RANBP2: variants seen among roughly 807,000 people sequenced by gnomAD.
The protein encoded by RANBP2 is RAN binding protein 2, also known as E3 SUMO-protein ligase RanBP2.
In RANBP2, 57 loss-of-function variants were observed where a neutral mutation model predicts 303.6. The ratio of observed to expected loss-of-function variants is 0.19; its 90% CI spans 0.15 to 0.23. The LOEUF (loss-of-function observed/expected upper bound fraction) is 0.23, where lower values mean the gene tolerates loss of function less well. RANBP2 is among the 10% of genes least tolerant of loss of function. RANBP2 has a pLI of 1.00. For missense variants in RANBP2, 3,138 were observed against 3,780.8 expected (o/e 0.83, Z 4.46); for synonymous variants, 1,167 against 1,301.5 (o/e 0.90, Z 2.23).
the RANBP2 span, among the ~76,000 whole-genome samples, chr2:109,309,612 AC>A: frequency 7.8e-6 from 1 of 128,174 alleles, no homozygotes; most frequent in Non-Finnish European, 1.6e-5. Flanking sequence ...AACCCATCTC[AC>A]GTGCAGAGAC....
rs752981422 is a variant in RANBP2, at chr2:108,751,601, A to G, written c.1529A>G (p.Tyr510Cys). Residue 510 changes from tyrosine (Y) to cysteine (C), a missense_variant, in exon 11 of 29, where the codon TAT (tyrosine) becomes TGT (cysteine). Tyr to Cys is a radical substitution (Grantham distance 194). This residue lies in a region of RANBP2 where 162 missense variants were observed against 286.9 expected (regional missense o/e 0.56). Coordinates refer to ENST00000283195, the MANE Select transcript of RANBP2 (RefSeq NM_006267.5). Reference protein sequence around the residue: ...KEKCNSHHSSYQPLCLPLPVC... With the variant: ...KEKCNSHHSSCQPLCLPLPVC... Reference sequence around the variant, plus strand: ...AAATGTAATTCTCACCACAGCTCCTATCAGCCGTTATGCCTGCCCCTTCCT... The same window carrying G: ...AAATGTAATTCTCACCACAGCTCCTGTCAGCCGTTATGCCTGCCCCTTCCT... The G allele has an allele frequency of 3.1e-6, 5 of 1,611,112 alleles. No individual in the cohort carries two copies. The highest frequency in any genetic ancestry group is 1.1e-5 in the South Asian group (1 of 90,976).
chr2:109,402,410 C>T, the RANBP2 span, among the ~76,000 whole-genome samples: 2 of 152,358 alleles, frequency 1.3e-5, no homozygotes, highest in East Asian at 1.9e-4. Context: ...CTTTGATCAT[C>T]GGCTTGGAGA....
At chr2:109,408,964 G>T in the RANBP2 span, among the ~76,000 whole-genome samples, 8 of 152,174 alleles carry the variant, frequency 5.3e-5, no homozygotes, top group Admixed American at 5.2e-4. Context: ...TAGAAGAAAG[G>T]CTCCAGGGCA....
At chr2:109,651,357 A>G in the RANBP2 span, among the ~76,000 whole-genome samples, 2 of 152,174 alleles carry the variant, frequency 1.3e-5, no homozygotes, top group Admixed American at 6.6e-5. Flanking sequence ...TTCAGAAAGT[A>G]CAAGTATTGA....
At chr2:109,427,915 G>A in the RANBP2 span, among the ~76,000 whole-genome samples, 1 of 152,262 alleles carries the variant, frequency 6.6e-6, no homozygotes, top group African/African-American at 2.4e-5. Flanking sequence ...CTCCCCAGGT[G>A]CTCGCGCACG....
the RANBP2 span, among the ~76,000 whole-genome samples, chr2:109,384,273 C>T: frequency 6.6e-6 from 1 of 152,198 alleles, no homozygotes; most frequent in Non-Finnish European, 1.5e-5. Context: ...GAGGACACAA[C>T]AGCGAAGAAA....
chr2:109,560,728 G>A, the RANBP2 span, among the ~76,000 whole-genome samples: 1 of 152,086 alleles, frequency 6.6e-6, no homozygotes. Context: ...ACACAAAAAA[G>A]CTAGTCCTCC....
the RANBP2 span, among the ~76,000 whole-genome samples, chr2:109,300,550 C>T: frequency 2.0e-5 from 3 of 152,202 alleles, no homozygotes; most frequent in African/African-American, 7.2e-5. Context: ...CCAGAGATGA[C>T]AGGCATCCTT....
the RANBP2 span, among the ~76,000 whole-genome samples, chr2:109,540,560 C>A: frequency 6.6e-6 from 1 of 151,928 alleles, no homozygotes; most frequent in East Asian, 1.9e-4. Flanking sequence ...CACAATGGCT[C>A]ATGCCTGTAA....
the RANBP2 span, among the ~76,000 whole-genome samples, chr2:109,244,873 G>A: frequency 3.9e-5 from 6 of 152,298 alleles, no homozygotes; most frequent in South Asian, 6.2e-4. Context: ...CTGTGCCATC[G>A]TCATATTCTG....
the RANBP2 span, among the ~76,000 whole-genome samples, chr2:109,193,370 G>A: frequency 4.6e-5 from 7 of 152,208 alleles, no homozygotes; most frequent in African/African-American, 1.2e-4. Context: ...AACATATAAT[G>A]TGTAGCCATC....
At chr2:109,163,355 T>A in the RANBP2 span, among the ~76,000 whole-genome samples, 9 of 149,558 alleles carry the variant, frequency 6.0e-5, no homozygotes, top group Non-Finnish European at 8.9e-5. Flanking sequence ...AAGGGCGGAC[T>A]GGAGTTCTCA....
At chr2:108,941,559 T>C in the RANBP2 span, among the ~76,000 whole-genome samples, 1 of 151,860 alleles carries the variant, frequency 6.6e-6, no homozygotes, top group Non-Finnish European at 1.5e-5. Flanking sequence ...GCTCTGAGGG[T>C]CCTCTGCACC....
the RANBP2 span, among the ~76,000 whole-genome samples, chr2:109,072,088 A>G: frequency 6.6e-6 from 1 of 152,130 alleles, no homozygotes; most frequent in South Asian, 2.1e-4. Context: ...CTGGCCAAAT[A>G]TTTGTTGTGG....
chr2:108,739,184 C>T (rs1695865950), intron 6 of RANBP2, among the ~76,000 whole-genome samples: 1 of 151,886 alleles, frequency 6.6e-6, no homozygotes, highest in South Asian at 2.1e-4. Flanking sequence ...GGGTGGATCA[C>T]GAAGTCAGGA....
the RANBP2 span, among the ~76,000 whole-genome samples, chr2:108,908,888 A>T: frequency 6.6e-6 from 1 of 152,158 alleles, no homozygotes; most frequent in African/African-American, 2.4e-5. Context: ...AGACAATGAG[A>T]ACCATCATGA....
chr2:109,351,082 G>A, the RANBP2 span, among the ~76,000 whole-genome samples: 1 of 152,342 alleles, frequency 6.6e-6, no homozygotes, highest in Admixed American at 6.5e-5. Context: ...ATCAGTTTTT[G>A]TAAAGCAGCT....
the RANBP2 span, among the ~76,000 whole-genome samples, chr2:108,792,120 C>T: frequency 2.6e-5 from 4 of 152,150 alleles, no homozygotes; most frequent in Non-Finnish European, 5.9e-5. Flanking sequence ...GTATGGATTT[C>T]TGGGCACTGA....
At chr2:109,493,038 A>G in the RANBP2 span, among the ~76,000 whole-genome samples, 1 of 151,828 alleles carries the variant, frequency 6.6e-6, no homozygotes, top group Non-Finnish European at 1.5e-5. Flanking sequence ...ATACAAACAC[A>G]TACCCCACAT....
Sources: gnomAD v4.1 joint callset for allele counts (sites outside exome capture counted in the v4.1 genomes callset) on GRCh38, gnomAD v4.1.1 for gene constraint, gnomAD v4.1.1 regional missense constraint, MANE v1.5 for transcripts, NCBI Gene and HGNC (gene_info 2026-07-23, HGNC 2026-07-21) for gene names.